The following TCF19 variants were observed in gnomAD, a reference collection of about 807,000 sequenced individuals.
TCF19 encodes transcription factor SC1.
In TCF19, 9 loss-of-function variants were observed where a neutral mutation model predicts 18.3. That is an observed-to-expected ratio of 0.49 (90% CI 0.30 to 0.86). The LOEUF (loss-of-function observed/expected upper bound fraction) is 0.86. Among genes scored for constraint, TCF19 ranks in the 40% least tolerant of loss-of-function variants. TCF19 has a pLI of 0.07. For synonymous variants in TCF19, 176 were observed against 185.3 expected (o/e 0.95, Z 0.41); for missense variants, 376 against 464.3 (o/e 0.81, Z 1.75).
Position 31,161,486 on chromosome 6 carries a change from G to A in TCF19, c.278G>A (p.Arg93Lys), listed in dbSNP as rs144374591. ...VNNVRLPRGH[R>K]LELSDGDLLT... ...AATGTCCGACTCCCAAGAGGTCACA[G>A]GCTGGAATTGAGTGATGGAGACCTC... is the stretch of plus-strand genomic sequence containing the variant. The change falls in exon 3 of 4, where the codon AGG becomes AAG. Residue 93 changes from arginine to lysine, a missense_variant. Transcript: ENST00000376257. The A allele has an allele frequency of 2.6e-5, 39 of 1,481,756 alleles. No homozygotes were observed. In the African/African-American group the frequency reaches 5.3e-4, roughly 20 times the overall value. 91.8% of individuals were successfully genotyped at this position (1,481,756 alleles called of 1,614,324 possible). A position where few individuals can be genotyped will look rare whatever the true frequency, so the allele number is the denominator to read the frequency against.
rs117960639 is a variant in TCF19, at chr6:31,159,398, G to A, written c.-72G>A. On this transcript the variant is annotated 5_prime_UTR_variant, in exon 2 of 4. In the 5' UTR this introduces an upstream ATG that the reference lacks. Transcript: ENST00000376257. ...ACTGGGAAGCGAACTTAAGCCAGCG[G>A]TGCGTGGCCCAGGAGTGGGAAAGGA... The A allele has an allele frequency of 4.8e-3, 6,436 of 1,347,670 alleles. 326 individuals are homozygous for A. In the South Asian group the frequency reaches 0.075, roughly 16 times the overall value. 83.5% of individuals were successfully genotyped at this position (1,347,670 alleles called of 1,614,324 possible). A position where few individuals can be genotyped will look rare whatever the true frequency, so the allele number is the denominator to read the frequency against.
At chr6:31,161,341 TAC>T (rs1422973962) in intron 2 of TCF19, 104 bp from the exon 3 acceptor site, 2 of 954,502 alleles carry the variant, frequency 2.1e-6, no homozygotes, top group African/African-American at 1.7e-5. Flanking sequence ...AGAATCTGAC[TAC>T]AGTTTCATAT....
rs1252833105 is a variant in TCF19 at position 31,159,264 on chromosome 6, T to G, written c.-206T>G. On this transcript the variant is annotated 5_prime_UTR_variant, in exon 2 of 4. Coordinates refer to ENST00000376257, the MANE Select transcript of TCF19 (RefSeq NM_007109.3). ...TGGAATTTTTCATTTGCAAGTCGGC[T>G]TAACCAATTTTGCATTGAGTCCTAG... 9.4e-6 allele frequency: 5 copies of G among 531,372 alleles called. No homozygotes were observed. Among genetic ancestry groups the G allele is most frequent in the Non-Finnish European group, 1.7e-5 (5 of 297,884 alleles). The allele number at this position is 531,372 out of a possible 1,614,324, so 32.9% of individuals were successfully genotyped here.
rs554064941 is a variant in TCF19 at position 31,159,233 on chromosome 6, C to A, written c.-237C>A. On this transcript the variant is annotated 5_prime_UTR_variant, in exon 2 of 4. Coordinates refer to ENST00000376257, the MANE Select transcript of TCF19 (RefSeq NM_007109.3). ...TTCCTGAGTTTGCATTGCACGGAGA[C>A]CTTCCTGGAATTTTTCATTTGCAAG... 3.9e-6 allele frequency: 2 copies of A among 516,026 alleles called. No individual in the cohort carries two copies. The highest frequency in any genetic ancestry group is 3.1e-5 in the East Asian group (1 of 32,122). 32.0% of individuals were successfully genotyped at this position (516,026 alleles called of 1,614,324 possible).
In TCF19 at chr6:31,161,853, T is replaced by C. The variant is rs777899626; in HGVS notation, c.645T>C (p.Pro215=). 2.5e-6 allele frequency: 4 copies of C among 1,612,902 alleles called. No individual in the cohort carries two copies. In the Admixed American group the frequency reaches 6.7e-5, roughly 27 times the overall value. ...PAPPGEMGTT[P]SAPPQRNRRK... is the part of the protein sequence containing the mutation. ...CACCTGGGGAAATGGGGACCACGCCTTCTGCTCCACCACAACGCAATCGGA... is the reference window on the plus strand; with the variant it reads ...CACCTGGGGAAATGGGGACCACGCCCTCTGCTCCACCACAACGCAATCGGA... The change falls in exon 3 of 4, where the codon CCT becomes CCC. Residue 215 remains proline, a synonymous_variant. Transcript: ENST00000376257.
At position 31,163,823 on chromosome 6, in the gene TCF19, C is replaced by G. The variant is rs979323028; in HGVS notation, c.*1106C>G. The G allele has an allele frequency of 1.6e-4, 140 of 890,884 alleles. 1 individual carries two copies. The highest frequency in any genetic ancestry group is 1.7e-4 in the Non-Finnish European group (133 of 791,702). 55.2% of individuals were successfully genotyped at this position (890,884 alleles called of 1,614,324 possible). A position where few individuals can be genotyped will look rare whatever the true frequency, so the allele number is the denominator to read the frequency against. On this transcript the variant is annotated 3_prime_UTR_variant, in exon 4 of 4. Transcript: ENST00000376257. Reference sequence around the variant, plus strand: ...CTTTCCTACCTAGATTTAATGAGCCCAAGTTTTTAAAATGGAAGAAATGAC... The same window carrying G: ...CTTTCCTACCTAGATTTAATGAGCCGAAGTTTTTAAAATGGAAGAAATGAC...
rs528651480 is a variant in TCF19 at position 31,162,842 on chromosome 6, A to G, written c.*125A>G. 12 of 1,460,008 alleles carry G rather than the reference A, an allele frequency of 8.2e-6. No individual in the cohort carries two copies. The South Asian group carries it at 1.5e-4, about 19-fold the overall frequency. 90.4% of individuals were successfully genotyped at this position (1,460,008 alleles called of 1,614,324 possible). A position where few individuals can be genotyped will look rare whatever the true frequency, so the allele number is the denominator to read the frequency against. On this transcript the variant is annotated 3_prime_UTR_variant, in exon 4 of 4. Coordinates refer to ENST00000376257, the MANE Select transcript of TCF19 (RefSeq NM_007109.3). This position sits in a 1 kb window ranked among gnomAD's most constrained non-coding sequence, Gnocchi z 4.5. The stretch of plus-strand genomic sequence containing the variant: ...GAGGGAATGACTACAGGGAAGAAGG[A>G]TGGATTGATGTGGACTCATTCAGGG...
chr6:31,161,619 A>G lies in TCF19; in HGVS notation c.411A>G (p.Pro137=). 2 of 1,567,982 alleles carry G rather than the reference A, an allele frequency of 1.3e-6. No homozygotes were observed. Among genetic ancestry groups the G allele is most frequent in the Non-Finnish European group, 1.7e-6 (2 of 1,159,212 alleles). The change falls in exon 3 of 4, where the codon CCA becomes CCG. Residue 137 remains proline (P), a synonymous_variant. Transcript: ENST00000376257. ...KPQDFAAITI[P]RSRGEARVGA... is the part of the protein sequence containing the mutation. ...AGGACTTTGCTGCCATTACCATCCC[A>G]CGGTCTAGGGGAGAAGCCCGGGTTG...
At position 31,161,764 on chromosome 6, in the gene TCF19, C is replaced by T. The variant is rs762889350; in HGVS notation, c.556C>T (p.Arg186Trp). Residue 186 changes from arginine (R) to tryptophan (W), a missense_variant, in exon 3 of 4, where the codon CGG (arginine) becomes TGG (tryptophan). Coordinates refer to ENST00000376257, the MANE Select transcript of TCF19 (RefSeq NM_007109.3). ...LNSIGSLSKL[R>W]PQPLTFSPSW... ...CTCCATAGGCAGCCTCAGCAAGCTC[C>T]GGCCCCAGCCCCTCACCTTCTCCCC... The T allele has an allele frequency of 4.4e-6, 7 of 1,599,028 alleles. No homozygotes were observed. The highest frequency in any genetic ancestry group is 3.4e-5 in the Admixed American group (2 of 58,838).
chr6:31,161,488 C>T lies in TCF19; in HGVS notation c.280C>T (p.Leu94=). 2.0e-6 allele frequency: 3 copies of T among 1,483,174 alleles called. No individual in the cohort carries two copies. The highest frequency in any genetic ancestry group is 1.8e-6 in the Non-Finnish European group (2 of 1,116,940). The allele number at this position is 1,483,174 out of a possible 1,614,324, so 91.9% of individuals were successfully genotyped here. The part of the protein sequence containing the change: ...NNVRLPRGHR[L]ELSDGDLLTF... Reference sequence around the variant, plus strand: ...TGTCCGACTCCCAAGAGGTCACAGGCTGGAATTGAGTGATGGAGACCTCCT... The same window carrying T: ...TGTCCGACTCCCAAGAGGTCACAGGTTGGAATTGAGTGATGGAGACCTCCT... The change falls in exon 3 of 4, where the codon CTG becomes TTG. Residue 94 remains leucine (L), a synonymous_variant. Coordinates refer to ENST00000376257, the MANE Select transcript of TCF19 (RefSeq NM_007109.3).
Position 31,163,894 on chromosome 6 carries a change from A to C in TCF19, c.*1177A>C. ...TGAACTAGTGGCAGAGCCAGGAATA[A>C]AACTTGAGTAACTAATGAGTCACTT... On this transcript the variant is annotated 3_prime_UTR_variant, in exon 4 of 4. Transcript: ENST00000376257. 1 of 985,512 alleles carries C rather than the reference A, an allele frequency of 1.0e-6. No homozygotes were observed. Among genetic ancestry groups the C allele is most frequent in the Non-Finnish European group, 1.2e-6 (1 of 829,980 alleles). 61.0% of individuals were successfully genotyped at this position (985,512 alleles called of 1,614,324 possible). A position where few individuals can be genotyped will look rare whatever the true frequency, so the allele number is the denominator to read the frequency against.
At position 31,162,947 on chromosome 6, in the gene TCF19, G is replaced by A; in HGVS notation, c.*230G>A. 1 of 1,405,832 alleles carries A rather than the reference G, an allele frequency of 7.1e-7. No homozygotes were observed. The highest frequency in any genetic ancestry group is 2.6e-4 in the Middle Eastern group (1 of 3,780). The allele number at this position is 1,405,832 out of a possible 1,614,324, so 87.1% of individuals were successfully genotyped here. A position where few individuals can be genotyped will look rare whatever the true frequency, so the allele number is the denominator to read the frequency against. ...TTGCCACCTCCAGGAAATTGCCAGTGAGCTGGAAGTTCCCACTATTACAAG... is the reference window on the plus strand; with the variant it reads ...TTGCCACCTCCAGGAAATTGCCAGTAAGCTGGAAGTTCCCACTATTACAAG... On this transcript the variant is annotated 3_prime_UTR_variant, in exon 4 of 4. Transcript: ENST00000376257. The surrounding 1 kb of genome is among the most constrained non-coding windows in gnomAD (Gnocchi z 4.5).
Position 31,161,996 on chromosome 6 carries a change from C to A in TCF19, c.788C>A (p.Thr263Asn). ...CTCCGTGTAGACAAAGCCCCACTGACTCCCACTGGGTAAGTGGAGTCCTCA... is the reference window on the plus strand; with the variant it reads ...CTCCGTGTAGACAAAGCCCCACTGAATCCCACTGGGTAAGTGGAGTCCTCA... ...KKLRVDKAPL[T>N]PTGNRRGRPR... Residue 263 changes from threonine (T) to asparagine (N), a missense_variant, in exon 3 of 4, where the codon ACT (threonine) becomes AAT (asparagine). Physicochemically the swap from Thr to Asn is moderately conservative, Grantham distance 65. Transcript: ENST00000376257. The A allele has an allele frequency of 6.2e-7, 1 of 1,607,904 alleles. No homozygotes were observed. Among genetic ancestry groups the A allele is most frequent in the Non-Finnish European group, 8.5e-7 (1 of 1,176,792 alleles).
At position 31,164,081 on chromosome 6, in the gene TCF19, G is replaced by A. The variant is rs1243678401; in HGVS notation, c.*1364G>A. ...ATTTAAGAATTCCAGAGTAGGGTGG[G>A]AAAGCAAAAAGCCAGCTCTGAACAG... On this transcript the variant is annotated 3_prime_UTR_variant, in exon 4 of 4. Transcript: ENST00000376257. The A allele has an allele frequency of 6.9e-6, 7 of 1,018,512 alleles. No homozygotes were observed. In the South Asian group the frequency reaches 2.2e-4, roughly 32 times the overall value. The allele number at this position is 1,018,512 out of a possible 1,614,324, so 63.1% of individuals were successfully genotyped here.
chr6:31,161,531 G>C lies in TCF19; in HGVS notation c.323G>C (p.Gly108Ala), dbSNP rs1203713795. 1 of 1,568,246 alleles carries C rather than the reference G, an allele frequency of 6.4e-7. No homozygotes were observed. The highest frequency in any genetic ancestry group is 1.4e-5 in the African/African-American group (1 of 72,794). Residue 108 changes from glycine to alanine, a missense_variant, in exon 3 of 4, where the codon GGG becomes GCG. Transcript: ENST00000376257. ...DGDLLTFGPEGPPGTSPSEFY... is the reference protein window; with the variant it reads ...DGDLLTFGPEAPPGTSPSEFY... ...GACCTCCTGACCTTTGGCCCTGAAGGGCCCCCAGGAACCAGCCCCTCGGAG... is the reference window on the plus strand; with the variant it reads ...GACCTCCTGACCTTTGGCCCTGAAGCGCCCCCAGGAACCAGCCCCTCGGAG...
intron 2 of TCF19, among the ~76,000 whole-genome samples, chr6:31,160,371 G>T (rs1439964988): frequency 6.6e-6 from 1 of 152,206 alleles, no homozygotes; most frequent in African/African-American, 2.4e-5. Flanking sequence ...ACTTTGGGAG[G>T]CTAAGGCAGG....
intron 2 of TCF19, among the ~76,000 whole-genome samples, chr6:31,161,153 CA>C (rs527758123): frequency 0.046 from 2,378 of 52,034 alleles, 71 homozygotes; most frequent in East Asian, 0.22. Context: ...AACTCCATCT[CA>C]AAAAAAAAAA....
chr6:31,163,138 T>G lies in TCF19; in HGVS notation c.*421T>G. 2 of 1,022,400 alleles carry G rather than the reference T, an allele frequency of 2.0e-6. No individual in the cohort carries two copies. The highest frequency in any genetic ancestry group is 2.3e-6 in the Non-Finnish European group (2 of 852,570). 63.3% of individuals were successfully genotyped at this position (1,022,400 alleles called of 1,614,324 possible). On this transcript the variant is annotated 3_prime_UTR_variant, in exon 4 of 4. Coordinates refer to ENST00000376257, the MANE Select transcript of TCF19 (RefSeq NM_007109.3). Reference sequence around the variant, plus strand: ...AAAACCTAGGGCCTGGCCCCAAAACTTCCCTACTCTGTGGCTAGTCCTGCT... The same window carrying G: ...AAAACCTAGGGCCTGGCCCCAAAACGTCCCTACTCTGTGGCTAGTCCTGCT...
At position 31,163,705 on chromosome 6, in the gene TCF19, G is replaced by A; in HGVS notation, c.*988G>A. Reference sequence around the variant, plus strand: ...TGGTACATGTGATTTTCTTTTGTGAGCCTTACACCAAGCCAAACTATTGTC... The same window carrying A: ...TGGTACATGTGATTTTCTTTTGTGAACCTTACACCAAGCCAAACTATTGTC... On this transcript the variant is annotated 3_prime_UTR_variant, in exon 4 of 4. Coordinates refer to ENST00000376257, the MANE Select transcript of TCF19 (RefSeq NM_007109.3). 1.0e-6 allele frequency: 1 copy of A among 985,452 alleles called. No homozygotes were observed. The highest frequency in any genetic ancestry group is 1.2e-6 in the Non-Finnish European group (1 of 829,960). The allele number at this position is 985,452 out of a possible 1,614,324, so 61.0% of individuals were successfully genotyped here.
Sources: gnomAD v4.1 joint callset for allele counts (sites outside exome capture counted in the v4.1 genomes callset) on GRCh38, gnomAD v4.1.1 for gene constraint, Gnocchi (gnomAD v3.1) non-coding constraint, MANE v1.5 for transcripts, NCBI Gene and HGNC (gene_info 2026-07-23, HGNC 2026-07-21) for gene names.